The following SLCO3A1 variants were observed in gnomAD, a reference collection of about 807,000 sequenced individuals.
SLCO3A1 encodes the protein PGE1 transporter.
A neutral mutation model predicts 63.1 loss-of-function variants in SLCO3A1; 27 were observed. The observed-to-expected ratio is 0.43, with a 90% CI of 0.32 to 0.59. The LOEUF is 0.59. SLCO3A1 is among the 20% of genes least tolerant of loss of function. The pLI is 0.09. For missense variants in SLCO3A1, 773 were observed against 945.8 expected, an observed-to-expected ratio of 0.82 and a Z score of 2.40; for synonymous variants, 473 against 409.9, an observed-to-expected ratio of 1.15 and a Z score of -1.86.
intron 6 of SLCO3A1, among the ~76,000 whole-genome samples, chr15:92,126,551 G>A (rs2047926357): frequency 6.6e-6 from 1 of 152,160 alleles, no homozygotes; most frequent in African/African-American, 2.4e-5. Context: ...TGTGAAGAGA[G>A]AAAATAAAAA....
intron 3 of SLCO3A1, among the ~76,000 whole-genome samples, chr15:92,103,437 G>T (rs1329830291): frequency 6.6e-6 from 1 of 152,138 alleles, no homozygotes; most frequent in East Asian, 1.9e-4. Flanking sequence ...CAAACCATAT[G>T]CATAGCCCCT....
downstream of SLCO3A1, among the ~76,000 whole-genome samples, chr15:92,167,020 G>A (rs2151608192): frequency 6.6e-6 from 1 of 152,350 alleles, no homozygotes. Context: ...ATACAGTCAA[G>A]ACCAGAAAAA....
At chr15:91,959,751 AT>A (rs1900372905) in intron 2 of SLCO3A1, among the ~76,000 whole-genome samples, 1 of 150,884 alleles carries the variant, frequency 6.6e-6, no homozygotes, top group Non-Finnish European at 1.5e-5. Context: ...AAAGAAAAGT[AT>A]AAAAAATATA....
intron 2 of SLCO3A1, among the ~76,000 whole-genome samples, chr15:92,036,359 C>CT (rs768649802): frequency 0.045 from 2,240 of 50,318 alleles, 59 homozygotes; most frequent in African/African-American, 0.12. Context: ...CTGAGGTTTT[C>CT]TTTTTTTTTT....
chr15:92,083,386 C>A (rs1166998898), intron 2 of SLCO3A1, among the ~76,000 whole-genome samples: 1 of 152,130 alleles, frequency 6.6e-6, no homozygotes, highest in African/African-American at 2.4e-5. Flanking sequence ...ATCTCACTGT[C>A]CTCAGGTGCC....
At chr15:92,132,517 A>G (rs183799449) in intron 7 of SLCO3A1, among the ~76,000 whole-genome samples, 1 of 144,350 alleles carries the variant, frequency 6.9e-6, no homozygotes, top group African/African-American at 2.5e-5. Flanking sequence ...TTGTTTCTGT[A>G]CCTTTCACTT....
At chr15:91,974,770 T>C (rs1016702396) in intron 2 of SLCO3A1, among the ~76,000 whole-genome samples, 4 of 152,158 alleles carry the variant, frequency 2.6e-5, no homozygotes, top group Non-Finnish European at 4.4e-5. Flanking sequence ...TCATTTCCAG[T>C]CCCTCTGTGA....
At chr15:92,070,041 G>A (rs1445466130) in intron 2 of SLCO3A1, among the ~76,000 whole-genome samples, 5 of 152,324 alleles carry the variant, frequency 3.3e-5, no homozygotes, top group African/African-American at 4.8e-5. Flanking sequence ...CATCAGGCTC[G>A]TTCAGAACCG....
chr15:92,067,999 G>A (rs2047171955), intron 2 of SLCO3A1, among the ~76,000 whole-genome samples: 1 of 152,076 alleles, frequency 6.6e-6, no homozygotes, highest in African/African-American at 2.4e-5. Flanking sequence ...CTATTCATGA[G>A]GGCTTCACCC....
chr15:92,010,756 C>G (rs565703526), intron 2 of SLCO3A1, among the ~76,000 whole-genome samples: 183 of 152,270 alleles, frequency 1.2e-3, no homozygotes, highest in Admixed American at 4.2e-3. Flanking sequence ...CATGAAGCCC[C>G]AAGCCCAGTA....
intron 2 of SLCO3A1, among the ~76,000 whole-genome samples, chr15:92,028,422 A>C (rs2151477453): frequency 6.6e-6 from 1 of 152,240 alleles, no homozygotes; most frequent in Middle Eastern, 3.4e-3. Context: ...ACCATGCTTC[A>C]CTCAGCAAAA....
rs1397342445 is a variant in SLCO3A1 at position 91,883,191 on chromosome 15, T to C, written c.180+29103T>C. ...AACAAAGTATCCCTCCTTCCCCTTT[T>C]TTAACAGCGGGCAGTAAGTGGTCTG... On this transcript the variant is annotated intron_variant, in intron 1 of 9. Transcript: ENST00000318445. This position sits in a 1 kb window ranked among gnomAD's most constrained non-coding sequence, Gnocchi z 4.8. Among the ~76,000 whole-genome samples, 2 of 152,204 alleles carry C rather than the reference T, an allele frequency of 1.3e-5. No individual in the cohort carries two copies. Among genetic ancestry groups the C allele is most frequent in the African/African-American group, 4.8e-5 (2 of 41,454 alleles).
In SLCO3A1 at chr15:92,162,761, A is replaced by G; in HGVS notation, c.1759A>G (p.Ile587Val). ...LFLLLRLLGF[I>V]PPPLIFGAGI... Reference sequence around the variant, plus strand: ...CATTCTTTTCCCGGTAACAGGCTTCATCCCTCCACCCCTCATCTTCGGGGC... The same window carrying G: ...CATTCTTTTCCCGGTAACAGGCTTCGTCCCTCCACCCCTCATCTTCGGGGC... The change falls in exon 10 of 10, where the codon ATC becomes GTC. Residue 587 changes from isoleucine to valine, a missense_variant. By Grantham distance (29) the Ile-to-Val change is conservative. Coordinates refer to ENST00000318445, the MANE Select transcript of SLCO3A1 (RefSeq NM_013272.4). 6.2e-7 allele frequency: 1 copy of G among 1,611,334 alleles called. No individual in the cohort carries two copies. Among genetic ancestry groups the G allele is most frequent in the Non-Finnish European group, 8.5e-7 (1 of 1,178,574 alleles).
rs79061153 is a variant in SLCO3A1, at chr15:92,042,523, G to A, written c.647-52358G>A. 3.8e-4 allele frequency among the ~76,000 whole-genome samples: 58 copies of A among 152,260 alleles called. No individual in the cohort carries two copies. In the East Asian group the frequency reaches 0.011, roughly 29 times the overall value. On this transcript the variant is annotated intron_variant, in intron 2 of 9. Coordinates refer to ENST00000318445, the MANE Select transcript of SLCO3A1 (RefSeq NM_013272.4). ...AGCATTGTGACAGGCCCTACACCGG[G>A]CACTGGGAAATGGCAGAGTCACCTC...
chr15:91,875,241 G>A lies in SLCO3A1; in HGVS notation c.180+21153G>A, dbSNP rs1003003287. The stretch of plus-strand genomic sequence containing the variant: ...CATTTAGTCCTTTAGGGGCGGCAGT[G>A]TTGTCCCACATTGTAGCTCATTGTA... On this transcript the variant is annotated intron_variant, in intron 1 of 9. Transcript: ENST00000318445. The surrounding 1 kb of genome is among the most constrained non-coding windows in gnomAD (Gnocchi z 4.5). 6.6e-6 allele frequency among the ~76,000 whole-genome samples: 1 copy of A among 152,176 alleles called. No individual in the cohort carries two copies. The highest frequency in any genetic ancestry group is 2.4e-5 in the African/African-American group (1 of 41,452).
At chr15:91,955,191 T>C (rs1484393552) in intron 2 of SLCO3A1, among the ~76,000 whole-genome samples, 1 of 152,172 alleles carries the variant, frequency 6.6e-6, no homozygotes, top group African/African-American at 2.4e-5. Context: ...GTGAAGAAAC[T>C]GAAGCCCAGA....
chr15:92,077,395 C>T (rs2047291130), intron 2 of SLCO3A1, among the ~76,000 whole-genome samples: 1 of 152,192 alleles, frequency 6.6e-6, no homozygotes, highest in Non-Finnish European at 1.5e-5. Context: ...TTACCACAGA[C>T]TCCCACAGAG....
At chr15:91,880,170 C>CTATCTATCT (rs1567168784) in intron 1 of SLCO3A1, among the ~76,000 whole-genome samples, 227 of 126,224 alleles carry the variant, frequency 1.8e-3, no homozygotes, top group East Asian at 6.9e-3. Context: ...TCCATCCATC[C>CTATCTATCT]ATCTATCTAT....
At chr15:92,034,700 G>C (rs1469940773) in intron 2 of SLCO3A1, among the ~76,000 whole-genome samples, 2 of 151,826 alleles carry the variant, frequency 1.3e-5, no homozygotes, top group African/African-American at 4.8e-5. Context: ...GATCAGGTCA[G>C]GTGACAGCGA....
Sources: gnomAD v4.1 joint callset for allele counts (sites outside exome capture counted in the v4.1 genomes callset) on GRCh38, gnomAD v4.1.1 for gene constraint, Gnocchi (gnomAD v3.1) non-coding constraint, MANE v1.5 for transcripts, NCBI Gene and HGNC (gene_info 2026-07-23, HGNC 2026-07-21) for gene names.